PCNX1: variants seen among roughly 807,000 people sequenced by gnomAD.
PCNX1 encodes pecanex-like protein 1.
PCNX1 carries 78 observed loss-of-function variants against 242.2 expected under a neutral mutation model. The observed-to-expected ratio is 0.32, with a 90% CI of 0.27 to 0.39. The LOEUF is 0.39. Ranked by LOEUF, PCNX1 falls within the 10% of genes least tolerant of loss-of-function variation. PCNX1 has a pLI of 1.00. For synonymous variants in PCNX1, 1,024 were observed against 1,032.9 expected (o/e 0.99, Z 0.17); for missense variants, 2,581 against 2,856.5 (o/e 0.90, Z 2.20).
chr14:71,045,933 CA>C (rs1425595685), intron 20 of PCNX1, among the ~76,000 whole-genome samples: 1 of 152,062 alleles, frequency 6.6e-6, no homozygotes, highest in African/African-American at 2.4e-5. Flanking sequence ...TCATTGGCCC[CA>C]TTATCTGTAA....
chr14:70,989,436 A>G (rs1456008216), intron 7 of PCNX1, among the ~76,000 whole-genome samples: 2 of 152,002 alleles, frequency 1.3e-5, no homozygotes, highest in East Asian at 1.9e-4. Flanking sequence ...TCTTAATTAC[A>G]TCAAATCTGC....
intron 1 of PCNX1, among the ~76,000 whole-genome samples, chr14:70,936,115 A>T (rs1486204350): frequency 6.6e-6 from 1 of 152,164 alleles, no homozygotes; most frequent in African/African-American, 2.4e-5. Flanking sequence ...TTAAACAACT[A>T]GGAATTTTAT....
rs142677371 is a variant in PCNX1 at position 70,939,576 on chromosome 14, T to C, written c.154-7339T>C. Among the ~76,000 whole-genome samples, 188 of 152,340 alleles carry C rather than the reference T, an allele frequency of 1.2e-3. 11 individuals are homozygous for C. The East Asian group carries it at 0.03, about 24-fold the overall frequency. ...ACTGTGTCGTCAGTTTTGGAATAAGTGCAGTGTGTTGCTGAGAAGAATGTA... is the reference window on the plus strand; with the variant it reads ...ACTGTGTCGTCAGTTTTGGAATAAGCGCAGTGTGTTGCTGAGAAGAATGTA... On this transcript the variant is annotated intron_variant, in intron 1 of 35. Coordinates refer to ENST00000304743, the MANE Select transcript of PCNX1 (RefSeq NM_014982.3).
Position 71,033,965 on chromosome 14 carries a change from G to T in PCNX1, c.3703G>T (p.Glu1235Ter). 1 of 1,606,792 alleles carries T rather than the reference G, an allele frequency of 6.2e-7. No individual in the cohort carries two copies. Reference protein sequence around the residue: ...LVQSKIFPKTEEKNPEDPLSE... With the variant: ...LVQSKIFPKT ...GCAATCCAAGATTTTTCCAAAAACG[G>T]AAGAGAAAAATCCAGAAGACCCTCT... The change falls in exon 18 of 36, where the codon GAA becomes TAA. Residue 1235 changes from glutamate (E) to a stop codon, truncating the protein, a stop_gained. Coordinates refer to ENST00000304743, the MANE Select transcript of PCNX1 (RefSeq NM_014982.3). LOFTEE classifies it high-confidence loss of function.
At chr14:71,087,416 T>C (rs2062021360) in intron 28 of PCNX1, among the ~76,000 whole-genome samples, 1 of 152,218 alleles carries the variant, frequency 6.6e-6, no homozygotes, top group Non-Finnish European at 1.5e-5. Flanking sequence ...CTTAGACTGT[T>C]CCCCTATTGT....
At chr14:70,918,269 G>A (rs777939584) in intron 1 of PCNX1, among the ~76,000 whole-genome samples, 1 of 152,120 alleles carries the variant, frequency 6.6e-6, no homozygotes, top group Non-Finnish European at 1.5e-5. Context: ...CTTTCTACCT[G>A]TCTTGGCTTT....
At chr14:71,008,437 A>G (rs1225257263) in intron 8 of PCNX1, among the ~76,000 whole-genome samples, 1 of 151,950 alleles carries the variant, frequency 6.6e-6, no homozygotes, top group South Asian at 2.1e-4. Flanking sequence ...CAGGTGGATC[A>G]TGAGGTCAGG....
At chr14:70,975,854 T>G (rs2058672703) in intron 5 of PCNX1, among the ~76,000 whole-genome samples, 1 of 151,852 alleles carries the variant, frequency 6.6e-6, no homozygotes, top group Non-Finnish European at 1.5e-5. Context: ...GATGGAGGGT[T>G]AAAGCAGTGG....
intron 1 of PCNX1, among the ~76,000 whole-genome samples, chr14:70,936,452 A>C (rs2057008541): frequency 6.6e-6 from 1 of 152,174 alleles, no homozygotes; most frequent in South Asian, 2.1e-4. Context: ...CCTACAAAGG[A>C]CATGAACTCA....
chr14:70,974,232 G>GT (rs1285287570), intron 5 of PCNX1, among the ~76,000 whole-genome samples: 38 of 142,860 alleles, frequency 2.7e-4, no homozygotes, highest in South Asian at 4.5e-4. Flanking sequence ...TGGAATTGTG[G>GT]TTTTTTTTGT....
chr14:70,962,870 A>G (rs910018010), intron 3 of PCNX1, among the ~76,000 whole-genome samples: 2 of 152,186 alleles, frequency 1.3e-5, no homozygotes, highest in Non-Finnish European at 2.9e-5. Flanking sequence ...TTCATCCTAA[A>G]TACCCGTACA....
At chr14:70,949,131 C>T (rs111206659) in intron 2 of PCNX1, among the ~76,000 whole-genome samples, 1 of 114,456 alleles carries the variant, frequency 8.7e-6, no homozygotes, top group African/African-American at 2.8e-5. Flanking sequence ...TATATATGTA[C>T]ATATACACAT....
At chr14:71,054,286 A>AT (rs2061122065) in intron 24 of PCNX1, among the ~76,000 whole-genome samples, 1 of 152,146 alleles carries the variant, frequency 6.6e-6, no homozygotes, top group Non-Finnish European at 1.5e-5. Flanking sequence ...CCCATGCATA[A>AT]TTTTTTAACA....
rs376073022 is a variant in PCNX1 at position 70,947,000 on chromosome 14, G to A, written c.239G>A (p.Arg80Gln). Reference sequence around the variant, plus strand: ...ATTGTTCTGAAGATGGTCAACTATCGACTACACAGAGCACTTGATGCTGGA... The same window carrying A: ...ATTGTTCTGAAGATGGTCAACTATCAACTACACAGAGCACTTGATGCTGGA... ...VFIVLKMVNYRLHRALDAGEV... is the reference protein window; with the variant it reads ...VFIVLKMVNYQLHRALDAGEV... Residue 80 changes from arginine (R) to glutamine (Q), a missense_variant, in exon 2 of 36, where the codon CGA becomes CAA. Arg to Gln is a conservative substitution (Grantham distance 43). This residue lies in a region of PCNX1 where 1,204 missense variants were observed against 1,216.7 expected (regional missense o/e 0.99). Coordinates refer to ENST00000304743, the MANE Select transcript of PCNX1 (RefSeq NM_014982.3). The A allele has an allele frequency of 3.1e-6, 5 of 1,613,498 alleles. No homozygotes were observed. Among genetic ancestry groups the A allele is most frequent in the Admixed American group, 1.7e-5 (1 of 59,990 alleles).
intron 2 of PCNX1, among the ~76,000 whole-genome samples, chr14:70,950,950 G>A (rs1428274300): frequency 6.6e-6 from 1 of 151,700 alleles, no homozygotes; most frequent in East Asian, 1.9e-4. Flanking sequence ...CCAATTTTGT[G>A]TGTTTGTTAT....
chr14:71,081,242 T>G (rs2061847402), intron 28 of PCNX1, among the ~76,000 whole-genome samples: 1 of 152,078 alleles, frequency 6.6e-6, no homozygotes, highest in African/African-American at 2.4e-5. Context: ...GTGGATAAGC[T>G]TTTTGATGTG....
chr14:70,986,721 A>G (rs774439003), intron 6 of PCNX1, among the ~76,000 whole-genome samples: 1 of 152,172 alleles, frequency 6.6e-6, no homozygotes, highest in Admixed American at 6.5e-5. Flanking sequence ...GTCTGGGTAA[A>G]TTTTACTCTG....
rs1285796696 is a variant in PCNX1, at chr14:71,114,790, T to C, written c.*4855T>C. ...GTGATGGGGATGAATTCCTGAGTTT[T>C]ACCTGCACAATGAGGTGGTGCCCCG... On this transcript the variant is annotated 3_prime_UTR_variant, in exon 36 of 36. Coordinates refer to ENST00000304743, the MANE Select transcript of PCNX1 (RefSeq NM_014982.3). The C allele has an allele frequency of 6.6e-6, 1 of 152,584 alleles. No individual in the cohort carries two copies. Among genetic ancestry groups the C allele is most frequent in the Non-Finnish European group, 1.5e-5 (1 of 68,030 alleles). 9.5% of individuals were successfully genotyped at this position (152,584 alleles called of 1,614,324 possible). A position where few individuals can be genotyped will look rare whatever the true frequency, so the allele number is the denominator to read the frequency against.
rs74061484 is a variant in PCNX1, at chr14:70,915,721, A to T, written c.153+7718A>T. ...TTAAATATTTGTACTAGTATTTTGT[A>T]TAAATTCCTAAAAATAGACTTGTTG... On this transcript the variant is annotated intron_variant, in intron 1 of 35. Transcript: ENST00000304743. Among the ~76,000 whole-genome samples, 1,313 of 152,330 alleles carry T rather than the reference A, an allele frequency of 8.6e-3. 26 individuals carry two copies. Among genetic ancestry groups the T allele is most frequent in the African/African-American group, 0.03 (1,238 of 41,578 alleles).
Sources: allele counts gnomAD v4.1 joint callset (sites outside exome capture counted in the v4.1 genomes callset), GRCh38; gene constraint gnomAD v4.1.1; regional missense constraint gnomAD v4.1.1; transcripts MANE v1.5; gene names NCBI Gene and HGNC (gene_info 2026-07-23, HGNC 2026-07-21).